Variants in PPP1R3F observed in about 807,000 individuals in gnomAD.
The protein encoded by PPP1R3F is protein phosphatase 1 regulatory subunit 3F, also known as protein phosphatase 1, regulatory (inhibitor) subunit 3F.
Under a neutral mutation model 24.2 loss-of-function variants are expected in PPP1R3F, and 29 were observed. The observed-to-expected ratio is 1.20, with a 90% CI of 0.89 to 1.63. The LOEUF (loss-of-function observed/expected upper bound fraction) is 1.63. PPP1R3F is among the 40% of genes most tolerant of loss of function. PPP1R3F has a pLI of 0.00. For missense variants in PPP1R3F, 823 were observed against 729.3 expected, an observed-to-expected ratio of 1.13 and a Z score of -1.48; for synonymous variants, 363 against 340.1, an observed-to-expected ratio of 1.07 and a Z score of -0.74.
chrX:49,286,789 A>T lies in PPP1R3F; in HGVS notation c.2099A>T (p.Gln700Leu). 3.3e-6 allele frequency: 4 copies of T among 1,204,323 alleles called. No homozygotes were observed. Among genetic ancestry groups the T allele is most frequent in the Non-Finnish European group, 4.5e-6 (4 of 891,338 alleles). The change falls in exon 4 of 4, where the codon CAG (glutamine) becomes CTG (leucine). Residue 700 changes from glutamine to leucine, a missense_variant. Transcript: ENST00000055335. Reference sequence around the variant, plus strand: ...GAGCCAGCCTCTCCCGTCCTTCTGCAGGGGCAAAATCCCACCCTCCTCAGT... The same window carrying T: ...GAGCCAGCCTCTCCCGTCCTTCTGCTGGGGCAAAATCCCACCCTCCTCAGT... ...GKEPASPVLL[Q>L]GQNPTLLSPL...
Position 49,287,114 on chromosome X carries a change from G to A in PPP1R3F, c.*24G>A. On this transcript the variant is annotated 3_prime_UTR_variant, in exon 4 of 4. Coordinates refer to ENST00000055335, the MANE Select transcript of PPP1R3F (RefSeq NM_033215.5). ...AGGCTCTGCTTGTGGGATCAGCAGA[G>A]GCTTAAGATGGGATACATGGCCTGT... 4.2e-6 allele frequency: 5 copies of A among 1,197,513 alleles called. No homozygotes were observed. Among genetic ancestry groups the A allele is most frequent in the Non-Finnish European group, 5.6e-6 (5 of 886,812 alleles).
chrX:49,286,668 G>A lies in PPP1R3F; in HGVS notation c.1978G>A (p.Ala660Thr), dbSNP rs781968476. The A allele has an allele frequency of 1.5e-5, 18 of 1,210,328 alleles. No homozygotes were observed. Among genetic ancestry groups the A allele is most frequent in the Non-Finnish European group, 2.0e-5 (18 of 894,659 alleles). The change falls in exon 4 of 4, where the codon GCT becomes ACT. Residue 660 changes from alanine (A) to threonine (T), a missense_variant. Transcript: ENST00000055335. ...TSSLHMNRVI[A>T]GVTESLGEAG... Reference sequence around the variant, plus strand: ...CTCTTTGCACATGAATAGGGTGATAGCTGGGGTGACTGAGTCCCTGGGGGA... The same window carrying A: ...CTCTTTGCACATGAATAGGGTGATAACTGGGGTGACTGAGTCCCTGGGGGA...
chrX:49,270,269 G>A lies in PPP1R3F; in HGVS notation c.400G>A (p.Val134Ile). ...GGGCCGTCTGGAGCGCTTGGGGCGC[G>A]TCATGGTGGAGCTGGAGGCGCTGCT... The part of the protein sequence containing the change: ...APGRLERLGR[V>I]MVELEALLPP... Residue 134 changes from valine (V) to isoleucine (I), a missense_variant, in exon 1 of 4, where the codon GTC becomes ATC. Physicochemically the swap from Val to Ile is conservative, Grantham distance 29. Coordinates refer to ENST00000055335, the MANE Select transcript of PPP1R3F (RefSeq NM_033215.5). 1.8e-6 allele frequency: 2 copies of A among 1,102,747 alleles called. No homozygotes were observed. The highest frequency in any genetic ancestry group is 1.9e-5 in the African/African-American group (1 of 52,416). 90.9% of individuals were successfully genotyped at this position (1,102,747 alleles called of 1,213,427 possible).
chrX:49,286,089 G>C lies in PPP1R3F; in HGVS notation c.1399G>C (p.Gly467Arg), dbSNP rs186790332. 3 of 1,172,215 alleles carry C rather than the reference G, an allele frequency of 2.6e-6. No individual in the cohort carries two copies. Among genetic ancestry groups the C allele is most frequent in the African/African-American group, 1.8e-5 (1 of 56,799 alleles). ...ATWGVSSENG[G>R]GLEAVSGSEE... is the part of the protein sequence containing the mutation. ...ATGGGGAGTATCGAGTGAGAATGGA[G>C]GGGGGCTGGAGGCTGTGAGTGGGTC... Residue 467 changes from glycine to arginine, a missense_variant, in exon 4 of 4, where the codon GGG becomes CGG. Transcript: ENST00000055335.
chrX:49,300,477 GTTTTTTTTTTTTTTTTTT>G (rs35140303), intron 3 of PPP1R3F, among the ~76,000 whole-genome samples: 1 of 70,382 alleles, frequency 1.4e-5, no homozygotes, highest in East Asian at 4.6e-4. Flanking sequence ...TATTGCTGCT[GTTTTTTTTTTTTTTTTTT>G]TTTTTTTTTT....
Position 49,287,232 on chromosome X carries a change from C to T in PPP1R3F, c.*142C>T, listed in dbSNP as rs1602716946. ...AAGCTCTCCAGTCAACACAGGGCTC[C>T]CTGTGGTGACACCAGTGGAGATGAG... On this transcript the variant is annotated 3_prime_UTR_variant, in exon 4 of 4. Transcript: ENST00000055335. 1 of 566,561 alleles carries T rather than the reference C, an allele frequency of 1.8e-6. No homozygotes were observed. The highest frequency in any genetic ancestry group is 2.7e-6 in the Non-Finnish European group (1 of 364,409). 46.7% of individuals were successfully genotyped at this position (566,561 alleles called of 1,213,427 possible).
rs782286685 is a variant in PPP1R3F at position 49,286,968 on chromosome X, C to T, written c.2278C>T (p.Arg760Trp). ...TGTGTGTGCACTGCCTCCTCAGCTC[C>T]GGGGGCCCTTGACCCAGACTCTGGG... Reference protein sequence around the residue: ...ECVCALPPQLRGPLTQTLGVL... With the variant: ...ECVCALPPQLWGPLTQTLGVL... Residue 760 changes from arginine (R) to tryptophan (W), a missense_variant, in exon 4 of 4, where the codon CGG (arginine) becomes TGG (tryptophan). Coordinates refer to ENST00000055335, the MANE Select transcript of PPP1R3F (RefSeq NM_033215.5). 48 of 1,210,120 alleles carry T rather than the reference C, an allele frequency of 4.0e-5. No individual in the cohort carries two copies. Among genetic ancestry groups the T allele is most frequent in the Admixed American group, 6.5e-5 (3 of 45,803 alleles).
At chrX:49,281,845 G>A (rs2066250914) in intron 2 of PPP1R3F, 136 bp from the exon 3 acceptor site, 2 of 469,108 alleles carry the variant, frequency 4.3e-6, no homozygotes, top group South Asian at 6.7e-5. Context: ...AAATGAAGGG[G>A]TACCCTCTGC....
chrX:49,286,545 C>T lies in PPP1R3F; in HGVS notation c.1855C>T (p.Pro619Ser). The T allele has an allele frequency of 8.3e-7, 1 of 1,211,431 alleles. No homozygotes were observed. The highest frequency in any genetic ancestry group is 3.0e-5 in the East Asian group (1 of 33,803). Reference protein sequence around the residue: ...VVATMGDVWLPWAEGSGCDGP... With the variant: ...VVATMGDVWLSWAEGSGCDGP... ...AGCCACGATGGGAGATGTGTGGCTC[C>T]CATGGGCAGAGGGCTCAGGATGTGA... is the stretch of plus-strand genomic sequence containing the variant. Residue 619 changes from proline to serine, a missense_variant, in exon 4 of 4, where the codon CCA becomes TCA. Transcript: ENST00000055335.
downstream of PPP1R3F, among the ~76,000 whole-genome samples, chrX:49,291,316 C>CTCTCTCTGTCTG (rs1557122354): frequency 2.8e-3 from 246 of 88,371 alleles, 6 homozygotes; most frequent in South Asian, 4.2e-3. Context: ...CTCTCTCTCT[C>CTCTCTCTGTCTG]TCTCTCTCTC....
intron 1 of PPP1R3F, among the ~76,000 whole-genome samples, chrX:49,279,767 C>A (rs1203325837): frequency 1.8e-5 from 2 of 112,792 alleles, no homozygotes; most frequent in Non-Finnish European, 3.8e-5. Context: ...GGCATTCGCC[C>A]CAGCTCCTCT....
chrX:49,279,877 C>T (rs5906763), intron 1 of PPP1R3F, among the ~76,000 whole-genome samples: 49,090 of 111,276 alleles, frequency 0.44, 9,062 homozygotes, highest in Non-Finnish European at 0.59. Context: ...GAGATGCCAC[C>T]CCTGGGAGGA....
Position 49,270,763 on chromosome X carries a change from G to A in PPP1R3F, c.894G>A (p.Gly298=), listed in dbSNP as rs185282537. 293 of 1,198,800 alleles carry A rather than the reference G, an allele frequency of 2.4e-4. 2 individuals carry two copies. The East Asian group carries it at 6.2e-3, about 26-fold the overall frequency. The change falls in exon 1 of 4, where the codon GGG becomes GGA. Residue 298 remains glycine (G), a synonymous_variant. Transcript: ENST00000055335. ...CTCCCACACCCACTGATGCCGAAGG[G>A]CTGCCCCAGCAGCAGCAGCTGCCGC... is the stretch of plus-strand genomic sequence containing the variant. The part of the protein sequence containing the change: ...APAPTPTDAE[G]LPQQQQLPQL...
In PPP1R3F at chrX:49,286,717, AG is replaced by A; in HGVS notation, c.2029del (p.Val677SerfsTer43). 8.3e-7 allele frequency: 1 copy of A among 1,207,987 alleles called. No individual in the cohort carries two copies. Among genetic ancestry groups the A allele is most frequent in the Non-Finnish European group, 1.1e-6 (1 of 893,267 alleles). On this transcript the variant is annotated frameshift_variant, in exon 4 of 4. Coordinates refer to ENST00000055335, the MANE Select transcript of PPP1R3F (RefSeq NM_033215.5). LOFTEE classifies it low-confidence loss of function (END_TRUNC). ...GAGGCCGGGACAGAAGCCCAGATAGAGGTCACCAGTGAGTGGGCAGGCAGCT... is the reference window on the plus strand; with the variant it reads ...GAGGCCGGGACAGAAGCCCAGATAGAGTCACCAGTGAGTGGGCAGGCAGCT... Reference protein sequence around the residue: ...LGEAGTEAQIEVTSEWAGSLD... With the variant: ...LGEAGTEAQIXVTSEWAGSLD...
chrX:49,271,021 A>G (rs1557119228), intron 1 of PPP1R3F, 148 bp downstream of exon 1: 6 of 554,615 alleles, frequency 1.1e-5, no homozygotes, highest in Non-Finnish European at 1.7e-5. Context: ...ATGGAGGTCA[A>G]ACACGTGCTA....
At position 49,270,076 on chromosome X, in the gene PPP1R3F, CGGGCAAGATGGCGGCGGCGGCGGCG is replaced by C; in HGVS notation, c.212_236del (p.Gln71ProfsTer93). Reference sequence around the variant, plus strand: ...GGGCGGGCAAGATGGCGGCGGCGGCCGGGCAAGATGGCGGCGGCGGCGGCGGGGCCGACGAGGACGACGATGGCGA... The same window carrying C: ...GGGCGGGCAAGATGGCGGCGGCGGCCGGGCCGACGAGGACGACGATGGCGA... On this transcript the variant is annotated frameshift_variant, in exon 1 of 4. Transcript: ENST00000055335. LOFTEE classifies it high-confidence loss of function. 2 of 995,525 alleles carry C rather than the reference CGGGCAAGATGGCGGCGGCGGCGGCG, an allele frequency of 2.0e-6. No homozygotes were observed. Among genetic ancestry groups the C allele is most frequent in the South Asian group, 3.6e-5 (1 of 27,585 alleles). The allele number at this position is 995,525 out of a possible 1,213,427, so 82.0% of individuals were successfully genotyped here. A position where few individuals can be genotyped will look rare whatever the true frequency, so the allele number is the denominator to read the frequency against.
At chrX:49,300,521 ACT>A (rs2066334860) in intron 3 of PPP1R3F, among the ~76,000 whole-genome samples, 1 of 82,461 alleles carries the variant, frequency 1.2e-5, no homozygotes, top group Non-Finnish European at 2.2e-5. Flanking sequence ...ACAGAGTCTC[ACT>A]CTGTCACCCA....
Position 49,286,533 on chromosome X carries a change from G to C in PPP1R3F, c.1843G>C (p.Asp615His). The change falls in exon 4 of 4, where the codon GAT (aspartate) becomes CAT (histidine). Residue 615 changes from aspartate to histidine, a missense_variant. Asp to His is a moderately conservative substitution (Grantham distance 81). Coordinates refer to ENST00000055335, the MANE Select transcript of PPP1R3F (RefSeq NM_033215.5). ...CCGTTCTGTGGTAGCCACGATGGGA[G>C]ATGTGTGGCTCCCATGGGCAGAGGG... Reference protein sequence around the residue: ...GARSVVATMGDVWLPWAEGSG... With the variant: ...GARSVVATMGHVWLPWAEGSG... 8.3e-7 allele frequency: 1 copy of C among 1,211,504 alleles called. No individual in the cohort carries two copies. The highest frequency in any genetic ancestry group is 1.1e-6 in the Non-Finnish European group (1 of 895,173).
chrX:49,292,351 C>A (rs782355373), downstream of PPP1R3F, among the ~76,000 whole-genome samples: 3 of 112,883 alleles, frequency 2.7e-5, no homozygotes, highest in South Asian at 1.1e-3. Flanking sequence ...TATTTTTAAT[C>A]CTCTTTATCT....
Sources: gnomAD v4.1 joint callset for allele counts (sites outside exome capture counted in the v4.1 genomes callset) on GRCh38, gnomAD v4.1.1 for gene constraint, MANE v1.5 for transcripts, NCBI Gene and HGNC (gene_info 2026-07-23, HGNC 2026-07-21) for gene names.